VAT1L: variants seen among roughly 807,000 people sequenced by gnomAD.
VAT1L encodes the protein vesicle amine transport 1 like, also known as putative NADPH-dependent quinone oxidoreductase VAT1L.
In VAT1L, 34 loss-of-function variants were observed where a neutral mutation model predicts 44.1. The observed-to-expected ratio is 0.77, with a 90% confidence interval of 0.59 to 1.03. The LOEUF (loss-of-function observed/expected upper bound fraction) is 1.03, where lower values mean the gene tolerates loss of function less well. Among genes scored for constraint, VAT1L ranks in the 50% least tolerant of loss-of-function variants. The pLI is 0.00. For missense variants in VAT1L, 615 were observed against 538.8 expected (o/e 1.14, Z -1.40); for synonymous variants, 253 against 202.2 (o/e 1.25, Z -2.13).
At chr16:77,824,540 G>A (rs944106666) in intron 2 of VAT1L, among the ~76,000 whole-genome samples, 2 of 151,986 alleles carry the variant, frequency 1.3e-5, no homozygotes, top group African/African-American at 4.8e-5. Context: ...CGGATCATGG[G>A]GTCAGGAGAT....
At chr16:77,888,952 C>A (rs1342242040) in intron 7 of VAT1L, among the ~76,000 whole-genome samples, 1 of 152,232 alleles carries the variant, frequency 6.6e-6, no homozygotes, top group Non-Finnish European at 1.5e-5. Context: ...CACCCACCGA[C>A]TTTCTGCCGG....
intron 7 of VAT1L, among the ~76,000 whole-genome samples, chr16:77,931,188 C>T (rs1597104790): frequency 6.6e-6 from 1 of 152,172 alleles, no homozygotes; most frequent in Non-Finnish European, 1.5e-5. Context: ...TTTTAATAAA[C>T]TTTCTTTCAT....
chr16:77,797,042 G>GCC (rs2015948151), intron 1 of VAT1L, among the ~76,000 whole-genome samples: 1 of 152,102 alleles, frequency 6.6e-6, no homozygotes, highest in Non-Finnish European at 1.5e-5. Context: ...CTGGGGCAGT[G>GCC]GGTGCACTAA....
chr16:77,963,132 T>A (rs920567328), intron 7 of VAT1L, among the ~76,000 whole-genome samples: 2 of 152,130 alleles, frequency 1.3e-5, no homozygotes, highest in South Asian at 2.1e-4. Flanking sequence ...TTCTATTAGG[T>A]GGGTGAGAAC....
At chr16:77,906,815 G>C (rs1353966644) in intron 7 of VAT1L, among the ~76,000 whole-genome samples, 2 of 152,206 alleles carry the variant, frequency 1.3e-5, no homozygotes, top group Non-Finnish European at 2.9e-5. Flanking sequence ...TAAAGGCAGG[G>C]CCCAAGGAAC....
intron 1 of VAT1L, chr16:77,800,168 A>G (rs1399941940): frequency 6.6e-6 from 1 of 152,176 alleles, no homozygotes; most frequent in African/African-American, 2.4e-5. Flanking sequence ...TCTCCTTAAC[A>G]CAGTCTATTC....
At chr16:77,923,009 G>A (rs2017628639) in intron 7 of VAT1L, among the ~76,000 whole-genome samples, 1 of 152,196 alleles carries the variant, frequency 6.6e-6, no homozygotes, top group Non-Finnish European at 1.5e-5. Flanking sequence ...GTACCTTGCA[G>A]CCTGTTAAAA....
At chr16:77,838,422 G>C (rs995354472) in intron 3 of VAT1L, among the ~76,000 whole-genome samples, 6 of 152,136 alleles carry the variant, frequency 3.9e-5, no homozygotes, top group Non-Finnish European at 7.3e-5. Context: ...CCATCACCCA[G>C]GCTGGCCACT....
intron 3 of VAT1L, among the ~76,000 whole-genome samples, chr16:77,852,288 G>A (rs1434478862): frequency 6.6e-6 from 1 of 152,214 alleles, no homozygotes; most frequent in Non-Finnish European, 1.5e-5. Flanking sequence ...CCTAGGAGAA[G>A]CTTTGGGAAA....
chr16:77,861,004 C>G (rs369214850), intron 3 of VAT1L, among the ~76,000 whole-genome samples: 21 of 152,274 alleles, frequency 1.4e-4, no homozygotes, highest in Admixed American at 3.3e-4. Context: ...AGTGGGTAAC[C>G]TTAACCTTTC....
chr16:77,970,174 T>C (rs931931887), intron 7 of VAT1L, among the ~76,000 whole-genome samples: 1 of 151,910 alleles, frequency 6.6e-6, no homozygotes, highest in Admixed American at 6.6e-5. Context: ...AGGTCAAACC[T>C]GCAGTGATCT....
intron 7 of VAT1L, among the ~76,000 whole-genome samples, chr16:77,914,580 G>C (rs2017532300): frequency 6.6e-6 from 1 of 152,234 alleles, no homozygotes; most frequent in South Asian, 2.1e-4. Flanking sequence ...TATTACTGAA[G>C]CTGAAAGAGG....
At chr16:77,819,289 G>C (rs1185092929) in intron 2 of VAT1L, among the ~76,000 whole-genome samples, 1 of 152,128 alleles carries the variant, frequency 6.6e-6, no homozygotes, top group Non-Finnish European at 1.5e-5. Context: ...CTGTGTCTTT[G>C]GGTTTTCGTG....
At chr16:77,833,858 G>A (rs139375391) in intron 3 of VAT1L, among the ~76,000 whole-genome samples, 4 of 152,250 alleles carry the variant, frequency 2.6e-5, no homozygotes, top group South Asian at 2.1e-4. Context: ...TTCATGAGAC[G>A]TGGAATGGGG....
At chr16:77,911,705 T>C (rs565428817) in intron 7 of VAT1L, among the ~76,000 whole-genome samples, 1 of 152,216 alleles carries the variant, frequency 6.6e-6, no homozygotes, top group African/African-American at 2.4e-5. Context: ...ACGTGCAGAC[T>C]CTGGGTCCAC....
rs528610662 is a variant in VAT1L, at chr16:77,920,744, A to G, written c.1077+35942A>G. Among the ~76,000 whole-genome samples, 6 of 152,288 alleles carry G rather than the reference A, an allele frequency of 3.9e-5. No homozygotes were observed. The South Asian group carries it at 1.2e-3, about 32-fold the overall frequency. On this transcript the variant is annotated intron_variant, in intron 7 of 8. Coordinates refer to ENST00000302536, the MANE Select transcript of VAT1L (RefSeq NM_020927.3). ...TGGGTTACAATTGCTTACAGTATTC[A>G]GTCCAGTAACATGCTGTACAGATTT...
chr16:77,813,774 C>G lies in VAT1L; in HGVS notation c.234-3147C>G, dbSNP rs545989940. On this transcript the variant is annotated intron_variant, in intron 1 of 8. Transcript: ENST00000302536. ...AATTCATAGTTTTACAGAGAACACC[C>G]AGTTCTTGGACCAGCTCATTTATTC... Among the ~76,000 whole-genome samples, 46 of 152,280 alleles carry G rather than the reference C, an allele frequency of 3.0e-4. 1 individual carries two copies. The Middle Eastern group carries it at 0.01, about 34-fold the overall frequency.
intron 7 of VAT1L, among the ~76,000 whole-genome samples, chr16:77,930,332 G>T (rs1007856957): frequency 6.6e-6 from 1 of 152,142 alleles, no homozygotes; most frequent in East Asian, 1.9e-4. Context: ...TCTTTGGGGG[G>T]ACATGGCTTA....
intron 7 of VAT1L, among the ~76,000 whole-genome samples, chr16:77,951,503 G>A (rs1199058151): frequency 6.6e-6 from 1 of 152,148 alleles, no homozygotes. Context: ...CCGAGATTGC[G>A]CCACCGCACT....
Sources: allele counts gnomAD v4.1 joint callset (sites outside exome capture counted in the v4.1 genomes callset), GRCh38; gene constraint gnomAD v4.1.1; transcripts MANE v1.5; gene names NCBI Gene and HGNC (gene_info 2026-07-23, HGNC 2026-07-21).